PTPRM: variants seen among roughly 807,000 people sequenced by gnomAD.
PTPRM encodes receptor-type tyrosine-protein phosphatase mu.
In PTPRM, 47 loss-of-function variants were observed where a neutral mutation model predicts 186.7. The observed-to-expected ratio is 0.25, with a 90% confidence interval of 0.20 to 0.32. PTPRM has a LOEUF of 0.32. Ranked by LOEUF, PTPRM falls within the 10% of genes least tolerant of loss-of-function variation. PTPRM has a pLI of 1.00. For missense variants in PTPRM, 1,494 were observed against 1,865.0 expected (o/e 0.80, Z 3.66); for synonymous variants, 668 against 674.9 (o/e 0.99, Z 0.16).
chr18:7,726,299 G>A (rs971977790), intron 1 of PTPRM, among the ~76,000 whole-genome samples: 3 of 151,994 alleles, frequency 2.0e-5, no homozygotes, highest in Non-Finnish European at 4.4e-5. Context: ...TTTCAAAAAC[G>A]TTTTCAGATC....
chr18:7,843,368 G>A (rs2046443638), intron 2 of PTPRM, among the ~76,000 whole-genome samples: 1 of 152,084 alleles, frequency 6.6e-6, no homozygotes, highest in Non-Finnish European at 1.5e-5. Flanking sequence ...TGATTATTTT[G>A]TATCACTATT....
At chr18:8,250,702 T>C (rs1318049016) in intron 17 of PTPRM, among the ~76,000 whole-genome samples, 1 of 151,760 alleles carries the variant, frequency 6.6e-6, no homozygotes, top group African/African-American at 2.4e-5. Flanking sequence ...GGCAGGAGGA[T>C]TGCTGGAGCC....
At chr18:7,775,686 C>A (rs899457495) in intron 2 of PTPRM, among the ~76,000 whole-genome samples, 3 of 152,148 alleles carry the variant, frequency 2.0e-5, no homozygotes, top group African/African-American at 4.8e-5. Flanking sequence ...ATTAACTCCT[C>A]ATTTGATAAA....
chr18:8,166,231 A>G (rs1325258931), intron 14 of PTPRM, among the ~76,000 whole-genome samples: 3 of 152,102 alleles, frequency 2.0e-5, no homozygotes, highest in Non-Finnish European at 4.4e-5. Context: ...GCGGACTCCA[A>G]CCTATGCGCT....
chr18:8,191,244 T>C (rs1030291637), intron 14 of PTPRM, among the ~76,000 whole-genome samples: 12 of 152,082 alleles, frequency 7.9e-5, no homozygotes, highest in Admixed American at 3.9e-4. Flanking sequence ...CCCTGCAAAC[T>C]CTTAATATGG....
intron 22 of PTPRM, among the ~76,000 whole-genome samples, chr18:8,339,172 T>G (rs2095458465): frequency 6.6e-6 from 1 of 151,864 alleles, no homozygotes. Flanking sequence ...GGTTAATGTT[T>G]TTTATTGAAA....
intron 1 of PTPRM, among the ~76,000 whole-genome samples, chr18:7,703,109 T>C (rs912472090): frequency 3.3e-5 from 5 of 152,174 alleles, no homozygotes; most frequent in African/African-American, 9.7e-5. Flanking sequence ...AGTCAGGTAG[T>C]GTGATGCCTC....
chr18:7,906,223 T>C (rs747395399), intron 3 of PTPRM, among the ~76,000 whole-genome samples: 7 of 152,178 alleles, frequency 4.6e-5, no homozygotes. Flanking sequence ...CTACAGTGTA[T>C]GTGTCATCCC....
At chr18:7,884,916 C>T (rs1185789810) in intron 2 of PTPRM, among the ~76,000 whole-genome samples, 5 of 91,314 alleles carry the variant, frequency 5.5e-5, no homozygotes, top group African/African-American at 2.2e-4. Context: ...GAGAGCAAAG[C>T]TCCATCTCAA....
intron 1 of PTPRM, among the ~76,000 whole-genome samples, chr18:7,738,989 G>A (rs986644099): frequency 3.3e-5 from 5 of 152,060 alleles, no homozygotes; most frequent in African/African-American, 1.2e-4. Context: ...TTGGCTTTGG[G>A]AAGTGCTTTG....
chr18:7,921,731 G>GT (rs113453203), intron 4 of PTPRM, among the ~76,000 whole-genome samples: 109 of 151,098 alleles, frequency 7.2e-4, no homozygotes, highest in Middle Eastern at 3.4e-3. Context: ...CAAGATTTCT[G>GT]TTTTTTTTTG....
intron 1 of PTPRM, among the ~76,000 whole-genome samples, chr18:7,591,654 T>C (rs759775566): frequency 7.9e-5 from 12 of 152,254 alleles, no homozygotes; most frequent in Non-Finnish European, 1.5e-4. Context: ...TCCAGAGTGC[T>C]AGGTTTTTAA....
intron 14 of PTPRM, among the ~76,000 whole-genome samples, chr18:8,213,769 A>C (rs1601261937): frequency 6.6e-6 from 1 of 152,204 alleles, no homozygotes; most frequent in African/African-American, 2.4e-5. Flanking sequence ...TAACCAAAGG[A>C]AAATAAATCA....
Position 8,136,805 on chromosome 18 carries a change from C to G in PTPRM, c.2168-6842C>G, listed in dbSNP as rs80352424. On this transcript the variant is annotated intron_variant, in intron 13 of 32. Transcript: ENST00000580170. ...GAAGGAACAGCTGGAAAAAACTAAA[C>G]AAGACTGCAAAGGATTTTAATTCTC... Among the ~76,000 whole-genome samples the G allele has an allele frequency of 4.3e-3, 649 of 152,086 alleles. 4 individuals carry two copies. The highest frequency in any genetic ancestry group is 0.015 in the African/African-American group (627 of 41,496).
chr18:8,234,549 C>T (rs925902586), intron 14 of PTPRM, among the ~76,000 whole-genome samples: 1 of 152,118 alleles, frequency 6.6e-6, no homozygotes, highest in African/African-American at 2.4e-5. Flanking sequence ...TTCATTCATT[C>T]CTTCTTAACC....
chr18:8,160,524 G>A (rs1050906708), intron 14 of PTPRM, among the ~76,000 whole-genome samples: 2 of 152,088 alleles, frequency 1.3e-5, no homozygotes, highest in African/African-American at 2.4e-5. Context: ...TGAACTCAGG[G>A]CCTCAAGTGA....
rs547352304 is a variant in PTPRM, at chr18:7,568,747, G to A, written c.73+856G>A. 2.0e-5 allele frequency among the ~76,000 whole-genome samples: 3 copies of A among 152,270 alleles called. No homozygotes were observed. In the South Asian group the frequency reaches 6.2e-4, roughly 32 times the overall value. ...GCGTGTGTGCCTGCACGCGCGCGCG[G>A]GGGCGTTCTAAGCCCAGAGGAACCC... On this transcript the variant is annotated intron_variant, in intron 1 of 32. Transcript: ENST00000580170. This position sits in a 1 kb window ranked among gnomAD's most constrained non-coding sequence, Gnocchi z 5.1.
chr18:8,281,537 A>C (rs1289426497), intron 19 of PTPRM, among the ~76,000 whole-genome samples: 3 of 152,200 alleles, frequency 2.0e-5, no homozygotes, highest in Non-Finnish European at 4.4e-5. Flanking sequence ...GGAATAGGGC[A>C]GGAGTGCTTG....
At chr18:8,348,114 A>C (rs1218500446) in intron 23 of PTPRM, among the ~76,000 whole-genome samples, 1 of 152,280 alleles carries the variant, frequency 6.6e-6, no homozygotes, top group Non-Finnish European at 1.5e-5. Flanking sequence ...TCAAAATGAC[A>C]TGGTTTTTAA....
Sources: allele counts gnomAD v4.1 joint callset (sites outside exome capture counted in the v4.1 genomes callset), GRCh38; gene constraint gnomAD v4.1.1; non-coding constraint Gnocchi (gnomAD v3.1); transcripts MANE v1.5; gene names NCBI Gene and HGNC (gene_info 2026-07-23, HGNC 2026-07-21).